The following ARMH4 variants were observed in gnomAD, a reference collection of about 807,000 sequenced individuals.
ARMH4 encodes the protein armadillo-like helical domain-containing protein 4.
A neutral mutation model predicts 61.9 loss-of-function variants in ARMH4; 49 were observed. The ratio of observed to expected loss-of-function variants is 0.79; its 90% CI spans 0.63 to 1.00. The LOEUF (loss-of-function observed/expected upper bound fraction) is 1.00, where lower values mean the gene tolerates loss of function less well. Ranked by LOEUF, ARMH4 falls within the 50% of genes least tolerant of loss-of-function variation. The pLI, the probability that ARMH4 is intolerant of heterozygous loss-of-function variation, is 0.00. For synonymous variants in ARMH4, 368 were observed against 341.5 expected, an observed-to-expected ratio of 1.08 and a Z score of -0.85; for missense variants, 934 against 930.0, an observed-to-expected ratio of 1.00 and a Z score of -0.06.
chr14:58,099,932 A>G (rs1438220159), intron 4 of ARMH4, among the ~76,000 whole-genome samples: 1 of 152,130 alleles, frequency 6.6e-6, no homozygotes, highest in East Asian at 1.9e-4. Flanking sequence ...TATTATTCCT[A>G]CCTCACAAGG....
intron 4 of ARMH4, among the ~76,000 whole-genome samples, chr14:58,112,999 GAACA>G (rs979042719): frequency 5.3e-5 from 8 of 151,676 alleles, no homozygotes; most frequent in Non-Finnish European, 7.4e-5. Context: ...TATTGATGTA[GAACA>G]AACAAAAAGT....
chr14:58,106,588 G>A (rs72716908), intron 4 of ARMH4, among the ~76,000 whole-genome samples: 3 of 152,242 alleles, frequency 2.0e-5, no homozygotes, highest in South Asian at 2.1e-4. Flanking sequence ...GTGTCTACAC[G>A]GTACCCTCTC....
At chr14:58,044,278 T>C (rs1290283719) in intron 5 of ARMH4, among the ~76,000 whole-genome samples, 1 of 152,114 alleles carries the variant, frequency 6.6e-6, no homozygotes, top group Non-Finnish European at 1.5e-5. Flanking sequence ...TATAGACCAA[T>C]GGAACAGAAT....
At chr14:58,039,883 C>T (rs964439239) in intron 5 of ARMH4, among the ~76,000 whole-genome samples, 1 of 152,116 alleles carries the variant, frequency 6.6e-6, no homozygotes, top group African/African-American at 2.4e-5. Context: ...GGAATCACGA[C>T]AAGTAAATTT....
At position 58,004,651 on chromosome 14, in the gene ARMH4, C is replaced by T; in HGVS notation, c.*85G>A. On this transcript the variant is annotated 3_prime_UTR_variant, in exon 8 of 8. Coordinates refer to ENST00000267485, the MANE Select transcript of ARMH4 (RefSeq NM_001001872.4). ...TAACGGCCTGATAGCAGCAATGTGG[C>T]AGGTTGTTCTTTTTTTTTTTCTGCT... 13 of 1,147,180 alleles carry T rather than the reference C, an allele frequency of 1.1e-5. No homozygotes were observed. The South Asian group carries it at 1.5e-4, about 13-fold the overall frequency. The allele number at this position is 1,147,180 out of a possible 1,614,324, so 71.1% of individuals were successfully genotyped here.
At chr14:58,010,028 A>C (rs1439018674) in intron 6 of ARMH4, among the ~76,000 whole-genome samples, 3 of 152,172 alleles carry the variant, frequency 2.0e-5, no homozygotes, top group Admixed American at 6.6e-5. Context: ...TCAATACTGG[A>C]ACAATTAAAT....
chr14:58,126,518 T>C (rs8018453), intron 4 of ARMH4, among the ~76,000 whole-genome samples: 25,881 of 152,218 alleles, frequency 0.17, 3,835 homozygotes, highest in African/African-American at 0.41. Context: ...TACACATGCA[T>C]GCACACATGT....
At chr14:58,107,763 CAAAAAAA>C (rs34507217) in intron 4 of ARMH4, among the ~76,000 whole-genome samples, 4 of 97,364 alleles carry the variant, frequency 4.1e-5, no homozygotes, top group African/African-American at 1.6e-4. Context: ...GACTCCATCT[CAAAAAAA>C]AAAAAAAAAA....
intron 4 of ARMH4, among the ~76,000 whole-genome samples, chr14:58,130,136 A>C (rs1887038577): frequency 6.6e-6 from 1 of 152,230 alleles, no homozygotes; most frequent in Admixed American, 6.5e-5. Flanking sequence ...AATTTAGGGA[A>C]ACCTGCTTTT....
chr14:58,110,560 C>T (rs1225155556), intron 4 of ARMH4, among the ~76,000 whole-genome samples: 10 of 152,152 alleles, frequency 6.6e-5, no homozygotes, highest in Non-Finnish European at 1.0e-4. Flanking sequence ...TTTTGATTTT[C>T]GATTATAATT....
At position 58,044,719 on chromosome 14, in the gene ARMH4, G is replaced by A. The variant is rs536787259; in HGVS notation, c.2090-32569C>T. ...GAAAAGTTTTGCAATCTACTCATCCGATAAAGGGCTAATATCCAGAATCTA... is the reference window on the plus strand; with the variant it reads ...GAAAAGTTTTGCAATCTACTCATCCAATAAAGGGCTAATATCCAGAATCTA... On this transcript the variant is annotated intron_variant, in intron 5 of 7. Coordinates refer to ENST00000267485, the MANE Select transcript of ARMH4 (RefSeq NM_001001872.4). Among the ~76,000 whole-genome samples, 14 of 152,162 alleles carry A rather than the reference G, an allele frequency of 9.2e-5. No individual in the cohort carries two copies. In the South Asian group the frequency reaches 1.0e-3, roughly 11 times the overall value.
At chr14:58,091,641 C>G (rs1885567593) in intron 5 of ARMH4, among the ~76,000 whole-genome samples, 1 of 152,114 alleles carries the variant, frequency 6.6e-6, no homozygotes, top group Admixed American at 6.5e-5. Flanking sequence ...GATTTTTACA[C>G]TTTAAAGATG....
At chr14:58,024,839 G>T (rs539378569) in intron 5 of ARMH4, among the ~76,000 whole-genome samples, 7 of 152,230 alleles carry the variant, frequency 4.6e-5, no homozygotes, top group African/African-American at 1.7e-4. Flanking sequence ...ATTAGGGAAT[G>T]GGCAGTCAGT....
At chr14:58,127,229 A>G (rs776658664) in intron 4 of ARMH4, among the ~76,000 whole-genome samples, 31 of 152,172 alleles carry the variant, frequency 2.0e-4, no homozygotes, top group Non-Finnish European at 3.8e-4. Context: ...CCCCACCCAA[A>G]TTTCATCTTG....
intron 4 of ARMH4, among the ~76,000 whole-genome samples, chr14:58,129,323 T>C (rs1229185012): frequency 6.6e-6 from 1 of 152,194 alleles, no homozygotes; most frequent in Non-Finnish European, 1.5e-5. Flanking sequence ...TCTTCTTTGG[T>C]GTCTAATGTC....
chr14:58,014,634 T>C (rs533230374), intron 5 of ARMH4, among the ~76,000 whole-genome samples: 1 of 152,184 alleles, frequency 6.6e-6, no homozygotes, highest in Non-Finnish European at 1.5e-5. Flanking sequence ...AGAAGCAAGA[T>C]AATGTTTCCA....
At chr14:58,008,974 A>T (rs1882286192) in intron 6 of ARMH4, among the ~76,000 whole-genome samples, 1 of 152,214 alleles carries the variant, frequency 6.6e-6, no homozygotes, top group Admixed American at 6.5e-5. Context: ...TGCTGAGAAG[A>T]TATACTAATG....
intron 5 of ARMH4, among the ~76,000 whole-genome samples, chr14:58,046,489 C>T (rs965310958): frequency 1.3e-5 from 2 of 152,154 alleles, no homozygotes; most frequent in Non-Finnish European, 2.9e-5. Context: ...ATGTCAATTT[C>T]GAAGATGAAG....
rs747499015 is a variant in ARMH4 at position 58,137,975 on chromosome 14, TTTTC to T, written c.1369+11_1369+14del. On this transcript the variant is annotated intron_variant, in intron 2 of 7. Transcript: ENST00000267485. Reference sequence around the variant, plus strand: ...AAATTAAACCAAAGTTTGTTTTTCTTTTTCTTTCTTTTACCTTTCATTGTATTTC... The same window carrying T: ...AAATTAAACCAAAGTTTGTTTTTCTTTTTCTTTTACCTTTCATTGTATTTC... The T allele has an allele frequency of 6.4e-6, 10 of 1,566,242 alleles. No homozygotes were observed. The African/African-American group carries it at 8.3e-5, about 13-fold the overall frequency.
Sources: allele counts gnomAD v4.1 joint callset (sites outside exome capture counted in the v4.1 genomes callset), GRCh38; gene constraint gnomAD v4.1.1; transcripts MANE v1.5; gene names NCBI Gene and HGNC (gene_info 2026-07-23, HGNC 2026-07-21).